The following GCN1 variants were observed in gnomAD, a reference collection of about 807,000 sequenced individuals.
GCN1 encodes stalled ribosome sensor GCN1.
A neutral mutation model predicts 288.4 loss-of-function variants in GCN1; 90 were observed. The ratio of observed to expected loss-of-function variants is 0.31; its 90% CI spans 0.26 to 0.37. The LOEUF (loss-of-function observed/expected upper bound fraction) is 0.37, where lower values mean the gene tolerates loss of function less well. Among genes scored for constraint, GCN1 ranks in the 10% least tolerant of loss-of-function variants. The pLI, the probability that GCN1 is intolerant of heterozygous loss-of-function variation, is 1.00. For missense variants in GCN1, 2,586 were observed against 3,419.9 expected (o/e 0.76, Z 6.08); for synonymous variants, 1,386 against 1,420.2 (o/e 0.98, Z 0.54).
rs368298739 is a variant in GCN1, at chr12:120,134,526, G to A, written c.7202+7C>T. 3.3e-5 allele frequency: 53 copies of A among 1,611,888 alleles called. No homozygotes were observed. The highest frequency in any genetic ancestry group is 1.7e-4 in the African/African-American group (13 of 75,016). Reference sequence around the variant, plus strand: ...GAGGCCACAGTGCTCCCTTGCCAGCGCCGTACCTGACACCTGGGTCCTCCA... The same window carrying A: ...GAGGCCACAGTGCTCCCTTGCCAGCACCGTACCTGACACCTGGGTCCTCCA... On this transcript the variant is annotated splice_region_variant and intron_variant, in intron 52 of 57. Transcript: ENST00000300648. The surrounding 1 kb of genome is among the most constrained non-coding windows in gnomAD (Gnocchi z 5.0).
In GCN1 at chr12:120,153,915, A is replaced by C; in HGVS notation, c.3702-6T>G. On this transcript the variant is annotated splice_polypyrimidine_tract_variant and splice_region_variant and intron_variant, in intron 31 of 57. Coordinates refer to ENST00000300648, the MANE Select transcript of GCN1 (RefSeq NM_006836.2). This position sits in a 1 kb window ranked among gnomAD's most constrained non-coding sequence, Gnocchi z 4.4. Reference sequence around the variant, plus strand: ...GGGCCAACGCCAAGCCACACCTGGGAAAGAAGTGGGAGCACATCAGGAGGG... The same window carrying C: ...GGGCCAACGCCAAGCCACACCTGGGCAAGAAGTGGGAGCACATCAGGAGGG... The C allele has an allele frequency of 1.2e-6, 2 of 1,612,942 alleles. No individual in the cohort carries two copies. The highest frequency in any genetic ancestry group is 1.3e-5 in the African/African-American group (1 of 75,054).
chr12:120,148,128 TG>T, intron 37 of GCN1, 38 bp downstream of exon 37: 1 of 1,517,150 alleles, frequency 6.6e-7, no homozygotes, highest in Non-Finnish European at 9.0e-7. Flanking sequence ...GCGGCGTTGG[TG>T]GGAGGTCAGG....
chr12:120,134,470 G>A lies in GCN1; in HGVS notation c.7202+63C>T, dbSNP rs1442642106. 5 of 1,596,032 alleles carry A rather than the reference G, an allele frequency of 3.1e-6. No homozygotes were observed. The highest frequency in any genetic ancestry group is 1.1e-5 in the South Asian group (1 of 90,732). On this transcript the variant is annotated intron_variant, in intron 52 of 57. Coordinates refer to ENST00000300648, the MANE Select transcript of GCN1 (RefSeq NM_006836.2). This position sits in a 1 kb window ranked among gnomAD's most constrained non-coding sequence, Gnocchi z 5.0. ...CACCACCACCCCTCCTGCCAGCGCA[G>A]GCTCGGCCCACAGCAACCCCTGGCC...
At chr12:120,149,402 G>A (rs773183762) in intron 36 of GCN1, among the ~76,000 whole-genome samples, 9 of 152,244 alleles carry the variant, frequency 5.9e-5, no homozygotes, top group African/African-American at 1.7e-4. Flanking sequence ...GCATGCTCCT[G>A]TGAGAATGGT....
rs1012596345 is a variant in GCN1 at position 120,153,968 on chromosome 12, G to A, written c.3702-59C>T. On this transcript the variant is annotated intron_variant, in intron 31 of 57. Transcript: ENST00000300648. The surrounding 1 kb of genome is among the most constrained non-coding windows in gnomAD (Gnocchi z 4.4). ...AGTCAGGGGGCCTCCTCTGCCAGTGGAACCTCTGCTGGTGCACGGCAAGGA... is the reference window on the plus strand; with the variant it reads ...AGTCAGGGGGCCTCCTCTGCCAGTGAAACCTCTGCTGGTGCACGGCAAGGA... The A allele has an allele frequency of 1.4e-6, 2 of 1,455,070 alleles. No individual in the cohort carries two copies. The highest frequency in any genetic ancestry group is 1.4e-5 in the African/African-American group (1 of 71,832). The allele number at this position is 1,455,070 out of a possible 1,614,324, so 90.1% of individuals were successfully genotyped here.
At chr12:120,141,341 C>T (rs1178495099) in intron 44 of GCN1, among the ~76,000 whole-genome samples, 2 of 152,206 alleles carry the variant, frequency 1.3e-5, no homozygotes, top group Non-Finnish European at 2.9e-5. Context: ...AGCCTTAACA[C>T]TGTGCTATGG....
intron 56 of GCN1, among the ~76,000 whole-genome samples, chr12:120,130,034 G>T (rs1160870927): frequency 6.6e-6 from 1 of 152,188 alleles, no homozygotes; most frequent in East Asian, 1.9e-4. Context: ...GCTGCGGGGG[G>T]AGGCAGTCAC....
chr12:120,148,379 T>A (rs758947902), intron 36 of GCN1, 33 bp from the exon 37 acceptor site: 1 of 1,582,006 alleles, frequency 6.3e-7, no homozygotes, highest in Non-Finnish European at 8.6e-7. Context: ...CAGTACTGAA[T>A]CACTGAGCAA....
chr12:120,132,539 T>C (rs1033497679), intron 53 of GCN1, among the ~76,000 whole-genome samples: 12 of 151,976 alleles, frequency 7.9e-5, no homozygotes, highest in Middle Eastern at 3.2e-3. Flanking sequence ...ACTGCATGAG[T>C]GCCCCACTGC....
chr12:120,194,612 G>A (rs1879111851), intron 1 of GCN1, 68 bp downstream of exon 1: 3 of 1,425,702 alleles, frequency 2.1e-6, no homozygotes, highest in Non-Finnish European at 9.4e-7. Flanking sequence ...AGCGAGAGGG[G>A]CCCCGCCCGA....
chr12:120,162,970 A>G lies in GCN1; in HGVS notation c.2040T>C (p.Val680=), dbSNP rs200626287. Residue 680 remains valine (V), a splice_region_variant and synonymous_variant, in exon 20 of 58, where the codon GTT becomes GTC. Transcript: ENST00000300648. ...CTGGCCAAAGTCCAGACTGCACGGC[A>G]ACTGAAGGGGAAGGGAGCTCTTTGA... ...MLIISHHPSL[V]AVQSGLWPAL... 3 of 1,614,098 alleles carry G rather than the reference A, an allele frequency of 1.9e-6. No homozygotes were observed. The African/African-American group carries it at 4.0e-5, about 22-fold the overall frequency.
At position 120,134,782 on chromosome 12, in the gene GCN1, T is replaced by G. The variant is rs1264266314; in HGVS notation, c.7009-56A>C. The G allele has an allele frequency of 1.1e-5, 16 of 1,431,636 alleles. No homozygotes were observed. The highest frequency in any genetic ancestry group is 1.6e-5 in the Non-Finnish European group (16 of 1,018,096). The allele number at this position is 1,431,636 out of a possible 1,614,324, so 88.7% of individuals were successfully genotyped here. On this transcript the variant is annotated intron_variant, in intron 51 of 57. Coordinates refer to ENST00000300648, the MANE Select transcript of GCN1 (RefSeq NM_006836.2). This position sits in a 1 kb window ranked among gnomAD's most constrained non-coding sequence, Gnocchi z 5.0. ...AGTTGTGGTAGACCCAAAGCCACAG[T>G]GTACCACAGGCATGAGAACAAATGA...
At chr12:120,172,707 C>T (rs1202670144) in intron 14 of GCN1, among the ~76,000 whole-genome samples, 1 of 152,182 alleles carries the variant, frequency 6.6e-6, no homozygotes, top group Non-Finnish European at 1.5e-5. Context: ...CAAGGTTACA[C>T]CATGTTGGCC....
chr12:120,137,464 G>A lies in GCN1; in HGVS notation c.6663+81C>T. 2.0e-6 allele frequency: 3 copies of A among 1,502,700 alleles called. No homozygotes were observed. Among genetic ancestry groups the A allele is most frequent in the South Asian group, 1.2e-5 (1 of 86,616 alleles). The allele number at this position is 1,502,700 out of a possible 1,614,324, so 93.1% of individuals were successfully genotyped here. A position where few individuals can be genotyped will look rare whatever the true frequency, so the allele number is the denominator to read the frequency against. ...CGAAGCTGAGTGACAGGTACGTGGG[G>A]GATTCTTATAAGTCTATTCCTGTAA... On this transcript the variant is annotated intron_variant, in intron 49 of 57. Transcript: ENST00000300648. This position sits in a 1 kb window ranked among gnomAD's most constrained non-coding sequence, Gnocchi z 5.2.
At position 120,157,859 on chromosome 12, in the gene GCN1, C is replaced by T. The variant is rs372573006; in HGVS notation, c.3077G>A (p.Arg1026Gln). ...AGCTTCCCTGCCAACCTCGTCCACC[C>T]GCCCGGGTGGGGTGTTGGGGGAGGC... ...LRASPNTPPG[R>Q]VDENGPELLP... Residue 1026 changes from arginine (R) to glutamine (Q), a missense_variant, in exon 26 of 58, where the codon CGG (arginine) becomes CAG (glutamine). By Grantham distance (43) the Arg-to-Gln change is conservative. Coordinates refer to ENST00000300648, the MANE Select transcript of GCN1 (RefSeq NM_006836.2). The T allele has an allele frequency of 2.6e-5, 42 of 1,613,312 alleles. No individual in the cohort carries two copies. Among genetic ancestry groups the T allele is most frequent in the Non-Finnish European group, 3.4e-5 (40 of 1,179,698 alleles).
At chr12:120,163,584 T>A (rs1421333644) in intron 18 of GCN1, among the ~76,000 whole-genome samples, 2 of 152,142 alleles carry the variant, frequency 1.3e-5, no homozygotes, top group African/African-American at 4.8e-5. Flanking sequence ...AGGGAAGCAG[T>A]GGAACACGGC....
At chr12:120,129,835 C>A (rs1322936282) in intron 56 of GCN1, among the ~76,000 whole-genome samples, 2 of 152,198 alleles carry the variant, frequency 1.3e-5, no homozygotes, top group Non-Finnish European at 2.9e-5. Context: ...CCCATGTCAT[C>A]CTTTAGAGGT....
intron 15 of GCN1, among the ~76,000 whole-genome samples, chr12:120,168,848 A>C (rs2139123745): frequency 6.6e-6 from 1 of 152,322 alleles, no homozygotes; most frequent in South Asian, 2.1e-4. Context: ...AATTTGCTGA[A>C]GAAGGTCATG....
chr12:120,137,795 G>C lies in GCN1; in HGVS notation c.6413C>G (p.Ala2138Gly). 2 of 1,613,746 alleles carry C rather than the reference G, an allele frequency of 1.2e-6. No individual in the cohort carries two copies. Among genetic ancestry groups the C allele is most frequent in the Non-Finnish European group, 1.7e-6 (2 of 1,179,638 alleles). The change falls in exon 49 of 58, where the codon GCT (alanine) becomes GGT (glycine). Residue 2138 changes from alanine (A) to glycine (G), a missense_variant. Around this residue, in one of 8 missense-constraint regions of GCN1, gnomAD observed 437 missense variants for 570.5 expected, o/e 0.77. Coordinates refer to ENST00000300648, the MANE Select transcript of GCN1 (RefSeq NM_006836.2). The surrounding 1 kb of genome is among the most constrained non-coding windows in gnomAD (Gnocchi z 5.2). The part of the protein sequence containing the change: ...DEQLEMANCQ[A>G]VILSVEDDTG... ...GTCATCCTCTACGGAGAGGATCACA[G>C]CCTGACAATTGGCCATCTCCTGCAA...
Sources: allele counts gnomAD v4.1 joint callset (sites outside exome capture counted in the v4.1 genomes callset), GRCh38; gene constraint gnomAD v4.1.1; regional missense constraint gnomAD v4.1.1; non-coding constraint Gnocchi (gnomAD v3.1); transcripts MANE v1.5; gene names NCBI Gene and HGNC (gene_info 2026-07-23, HGNC 2026-07-21).